Variants in DYRK1A observed in about 807,000 individuals in gnomAD.
The protein encoded by DYRK1A is dual specificity tyrosine-phosphorylation-regulated kinase 1A.
A neutral mutation model predicts 79.7 loss-of-function variants in DYRK1A; 9 were observed. The ratio of observed to expected loss-of-function variants is 0.11; its 90% confidence interval spans 0.07 to 0.20. The LOEUF (loss-of-function observed/expected upper bound fraction) is 0.20. Among genes scored for constraint, DYRK1A ranks in the 10% least tolerant of loss-of-function variants. The pLI is 1.00. For synonymous variants in DYRK1A, 349 were observed against 329.7 expected, an observed-to-expected ratio of 1.06 and a Z score of -0.63; for missense variants, 622 against 956.0, an observed-to-expected ratio of 0.65 and a Z score of 4.61.
chr21:37,496,483 T>C (rs2053273410), intron 9 of DYRK1A, among the ~76,000 whole-genome samples: 1 of 152,200 alleles, frequency 6.6e-6, no homozygotes, highest in African/African-American at 2.4e-5. Flanking sequence ...AAACTTCATA[T>C]TAAAAACTGT....
At chr21:37,366,369 G>C (rs1393365998), upstream of DYRK1A, among the ~76,000 whole-genome samples, 2 of 145,088 alleles carry the variant, frequency 1.4e-5, no homozygotes, top group Non-Finnish European at 3.1e-5. Context: ...GGCGGCGCGG[G>C]AGGCCGCGCG....
At chr21:37,510,389 A>G (rs1015022050) in intron 11 of DYRK1A, among the ~76,000 whole-genome samples, 1 of 152,098 alleles carries the variant, frequency 6.6e-6, no homozygotes, top group Admixed American at 6.5e-5. Context: ...TGTTGAATAA[A>G]CCCTTAACAA....
Position 37,473,152 on chromosome 21 carries a change from TGAAGA to T in DYRK1A, c.207+273_207+277del, listed in dbSNP as rs565548361. ...ATTTCTGAAGAATATTAAAGGATCT[TGAAGA>T]AAAAGCTTATTTTTATGGAAAGGTG... On this transcript the variant is annotated intron_variant, in intron 3 of 11. Transcript: ENST00000647188. Among the ~76,000 whole-genome samples the T allele has an allele frequency of 0.01, 1,541 of 152,272 alleles. 22 individuals are homozygous for T. The highest frequency in any genetic ancestry group is 0.034 in the African/African-American group (1,410 of 41,526).
At chr21:37,410,918 G>A (rs1160505474) in intron 1 of DYRK1A, among the ~76,000 whole-genome samples, 9 of 151,862 alleles carry the variant, frequency 5.9e-5, no homozygotes, top group Non-Finnish European at 1.0e-4. Context: ...GCATGGTGGC[G>A]CCCACTTGTA....
rs2053928423 is a variant in DYRK1A at position 37,520,642 on chromosome 21, AG to A, written c.*8114del. 6.6e-6 allele frequency: 1 copy of A among 152,242 alleles called. No homozygotes were observed. Among genetic ancestry groups the A allele is most frequent in the African/African-American group, 2.4e-5 (1 of 41,454 alleles). The allele number at this position is 152,242 out of a possible 1,614,324, so 9.4% of individuals were successfully genotyped here. On this transcript the variant is annotated 3_prime_UTR_variant, in exon 12 of 12. Transcript: ENST00000647188. ...TTGGATGGATGATGAAGCTGAAACA[AG>A]GGACCTAATCATGGGATTTAACTGT...
In DYRK1A at chr21:37,513,100, T is replaced by C. The variant is rs944530040; in HGVS notation, c.*569T>C. On this transcript the variant is annotated 3_prime_UTR_variant, in exon 12 of 12. Coordinates refer to ENST00000647188, the MANE Select transcript of DYRK1A (RefSeq NM_001347721.2). ...AGCTTCCACAAACACCATCTTCAGC[T>C]GTATGAAAGGGACGGTTGTGGTGAA... 1 of 154,790 alleles carries C rather than the reference T, an allele frequency of 6.5e-6. No homozygotes were observed. Among genetic ancestry groups the C allele is most frequent in the African/African-American group, 2.4e-5 (1 of 41,406 alleles). The allele number at this position is 154,790 out of a possible 1,614,324, so 9.6% of individuals were successfully genotyped here. A position where few individuals can be genotyped will look rare whatever the true frequency, so the allele number is the denominator to read the frequency against.
At chr21:37,480,546 G>A in intron 4 of DYRK1A, 92 bp from the exon 5 acceptor site, 1 of 989,430 alleles carries the variant, frequency 1.0e-6, no homozygotes, top group Non-Finnish European at 1.5e-6. Flanking sequence ...AATGTCAACT[G>A]TAGAAAATAG....
chr21:37,393,064 A>G (rs1193531365), intron 1 of DYRK1A, among the ~76,000 whole-genome samples: 1 of 152,228 alleles, frequency 6.6e-6, no homozygotes, highest in Non-Finnish European at 1.5e-5. Flanking sequence ...CAGCACTGTT[A>G]TGTTGTGGAT....
At chr21:37,387,155 C>G (rs574913148) in intron 1 of DYRK1A, among the ~76,000 whole-genome samples, 11 of 152,166 alleles carry the variant, frequency 7.2e-5, no homozygotes, top group African/African-American at 2.7e-4. Flanking sequence ...ATTTGGAGGC[C>G]GGGTAGGCAA....
intron 3 of DYRK1A, among the ~76,000 whole-genome samples, chr21:37,476,821 C>CT (rs2052410734): frequency 2.2e-5 from 3 of 133,696 alleles, no homozygotes; most frequent in Non-Finnish European, 4.7e-5. Flanking sequence ...CAAGGGTTCC[C>CT]CCCCCCCCCA....
At position 37,462,161 on chromosome 21, in the gene DYRK1A, T is replaced by G. The variant is rs371691015; in HGVS notation, c.11-10523T>G. 3.0e-4 allele frequency among the ~76,000 whole-genome samples: 45 copies of G among 152,314 alleles called. 3 individuals are homozygous for G. The highest frequency in any genetic ancestry group is 1.8e-3 in the Admixed American group (28 of 15,294). Reference sequence around the variant, plus strand: ...CACTCTTTCTGTCATTTCTGAGTCTTAAATGGATTTTTTCCTCCCGAATAC... The same window carrying G: ...CACTCTTTCTGTCATTTCTGAGTCTGAAATGGATTTTTTCCTCCCGAATAC... On this transcript the variant is annotated intron_variant, in intron 2 of 11. Transcript: ENST00000647188.
chr21:37,480,334 A>G (rs1457193148), intron 4 of DYRK1A, among the ~76,000 whole-genome samples: 1 of 152,128 alleles, frequency 6.6e-6, no homozygotes, highest in Non-Finnish European at 1.5e-5. Flanking sequence ...AACTCTTAAG[A>G]TCTGTGCCAC....
chr21:37,498,067 T>A (rs1487952840), intron 9 of DYRK1A, among the ~76,000 whole-genome samples: 1 of 152,208 alleles, frequency 6.6e-6, no homozygotes, highest in African/African-American at 2.4e-5. Flanking sequence ...ATACTTTCAT[T>A]GGCTATCTCT....
chr21:37,403,644 AAAAAAT>A (rs759828812), intron 1 of DYRK1A, among the ~76,000 whole-genome samples: 25 of 105,928 alleles, frequency 2.4e-4, no homozygotes, highest in South Asian at 1.0e-3. Flanking sequence ...TAAAAAAAAA[AAAAAAT>A]ATATATATAT....
intron 11 of DYRK1A, 72 bp downstream of exon 11, chr21:37,506,295 G>T: frequency 1.2e-6 from 2 of 1,612,642 alleles, no homozygotes; most frequent in South Asian, 2.2e-5. Flanking sequence ...GATGCCAGGT[G>T]CCTTTAGAAT....
Position 37,512,276 on chromosome 21 carries a change from C to T in DYRK1A, c.2010C>T (p.Ala670=). ...SSSTGNQGNQ[A]YQNRPVAANT... ...CTACTGGTAACCAAGGCAATCAGGC[C>T]TACCAGAATCGCCCAGTGGCTGCTA... Residue 670 remains alanine (A), a synonymous_variant, in exon 12 of 12, where the codon GCC becomes GCT. Coordinates refer to ENST00000647188, the MANE Select transcript of DYRK1A (RefSeq NM_001347721.2). 6.2e-7 allele frequency: 1 copy of T among 1,614,236 alleles called. No homozygotes were observed. Among genetic ancestry groups the T allele is most frequent in the Non-Finnish European group, 8.5e-7 (1 of 1,180,046 alleles).
intron 11 of DYRK1A, among the ~76,000 whole-genome samples, chr21:37,510,364 T>G (rs772555047): frequency 5.3e-5 from 8 of 152,244 alleles, no homozygotes; most frequent in Non-Finnish European, 8.8e-5. Context: ...AAAAGTTTGG[T>G]TCTCAGACCA....
At chr21:37,464,260 C>A in intron 2 of DYRK1A, 1 of 476,878 alleles carries the variant, frequency 2.1e-6, no homozygotes, top group Non-Finnish European at 4.2e-6. Flanking sequence ...TGAAATATTT[C>A]TCTGTAGAAT....
chr21:37,446,586 T>C (rs1307894363), intron 2 of DYRK1A, among the ~76,000 whole-genome samples: 1 of 151,994 alleles, frequency 6.6e-6, no homozygotes, highest in Non-Finnish European at 1.5e-5. Flanking sequence ...AAATTCTTTT[T>C]TTTTTTTTTA....
Sources: allele counts gnomAD v4.1 joint callset (sites outside exome capture counted in the v4.1 genomes callset), GRCh38; gene constraint gnomAD v4.1.1; transcripts MANE v1.5; gene names NCBI Gene and HGNC (gene_info 2026-07-23, HGNC 2026-07-21).